HTR4: variants seen among roughly 807,000 people sequenced by gnomAD.
HTR4 encodes the protein 5-hydroxytryptamine receptor 4, also known as 5-hydroxytryptamine (serotonin) receptor 4, G protein-coupled.
A neutral mutation model predicts 36.8 loss-of-function variants in HTR4; 16 were observed. The ratio of observed to expected loss-of-function variants is 0.43; its 90% CI spans 0.29 to 0.66. HTR4 has a LOEUF of 0.66. Among genes scored for constraint, HTR4 ranks in the 30% least tolerant of loss-of-function variants. The pLI is 0.13. For missense variants in HTR4, 438 were observed against 490.9 expected (o/e 0.89, Z 1.02); for synonymous variants, 189 against 185.1 (o/e 1.02, Z -0.17).
chr5:148,475,074 AT>A (rs994651754), downstream of HTR4, among the ~76,000 whole-genome samples: 51 of 152,104 alleles, frequency 3.4e-4, no homozygotes, highest in Non-Finnish European at 6.8e-4. Context: ...CTTAGGCCTC[AT>A]TTTACTTACC....
Position 148,482,247 on chromosome 5 carries a change from C to T in HTR4, c.*956G>A. 1 of 985,492 alleles carries T rather than the reference C, an allele frequency of 1.0e-6. No individual in the cohort carries two copies. Among genetic ancestry groups the T allele is most frequent in the East Asian group, 1.1e-4 (1 of 8,806 alleles). 61.0% of individuals were successfully genotyped at this position (985,492 alleles called of 1,614,324 possible). On this transcript the variant is annotated 3_prime_UTR_variant, in exon 7 of 7. Transcript: ENST00000377888. Reference sequence around the variant, plus strand: ...CAGTGTGAACTTCCAACAGTTATCTCCTTTGGCAGCAACAAAGCCAGATTG... The same window carrying T: ...CAGTGTGAACTTCCAACAGTTATCTTCTTTGGCAGCAACAAAGCCAGATTG...
At chr5:148,554,340 G>T (rs1192119274) in intron 2 of HTR4, among the ~76,000 whole-genome samples, 1 of 152,104 alleles carries the variant, frequency 6.6e-6, no homozygotes, top group East Asian at 1.9e-4. Context: ...CTCCCAAAGT[G>T]CTGGGATTAC....
intron 2 of HTR4, among the ~76,000 whole-genome samples, chr5:148,604,827 A>G (rs940098743): frequency 1.3e-5 from 2 of 152,208 alleles, no homozygotes; most frequent in African/African-American, 4.8e-5. Context: ...GGGTAGAGGT[A>G]GGGACTAAGC....
At chr5:148,462,475 G>C (rs1289013175) in intron 5 of HTR4, among the ~76,000 whole-genome samples, 1 of 151,796 alleles carries the variant, frequency 6.6e-6, no homozygotes, top group Non-Finnish European at 1.5e-5. Context: ...AGAAGAAATA[G>C]ACAATATGAA....
At chr5:148,506,154 T>A (rs1241552087) in intron 6 of HTR4, among the ~76,000 whole-genome samples, 1 of 152,172 alleles carries the variant, frequency 6.6e-6, no homozygotes, top group East Asian at 1.9e-4. Context: ...CAAAACAGCA[T>A]GGTACTGGGA....
At chr5:148,537,677 T>G (rs1758892559) in intron 4 of HTR4, among the ~76,000 whole-genome samples, 1 of 152,072 alleles carries the variant, frequency 6.6e-6, no homozygotes, top group African/African-American at 2.4e-5. Context: ...CTCCCAACAC[T>G]GAACCAGGAA....
At chr5:148,522,587 T>C (rs1236428896) in intron 5 of HTR4, among the ~76,000 whole-genome samples, 1 of 152,210 alleles carries the variant, frequency 6.6e-6, no homozygotes, top group Non-Finnish European at 1.5e-5. Flanking sequence ...TTCATGACAT[T>C]TGTTAAAGCA....
downstream of HTR4, among the ~76,000 whole-genome samples, chr5:148,475,332 G>A (rs767966834): frequency 4.6e-5 from 7 of 152,072 alleles, no homozygotes; most frequent in East Asian, 1.9e-4. Context: ...ATTTTTTTAC[G>A]AGAATTAAAT....
intron 2 of HTR4, among the ~76,000 whole-genome samples, chr5:148,585,741 A>G (rs543781857): frequency 6.6e-6 from 1 of 152,258 alleles, no homozygotes; most frequent in African/African-American, 2.4e-5. Context: ...ATATCCTGAA[A>G]TTCCTGATTT....
chr5:148,555,123 G>A (rs996481904), intron 2 of HTR4, among the ~76,000 whole-genome samples: 4 of 151,944 alleles, frequency 2.6e-5, no homozygotes, highest in South Asian at 2.1e-4. Flanking sequence ...TACTGTACAG[G>A]GCTCCTATAT....
At chr5:148,522,983 G>A (rs1325045193) in intron 5 of HTR4, among the ~76,000 whole-genome samples, 1 of 152,046 alleles carries the variant, frequency 6.6e-6, no homozygotes, top group Non-Finnish European at 1.5e-5. Context: ...ACCTAGATGG[G>A]ACAAGGATTC....
rs139550026 is a variant in HTR4, at chr5:148,484,842, C to G, written c.1077-1549G>C. Among the ~76,000 whole-genome samples the G allele has an allele frequency of 4.9e-3, 745 of 152,238 alleles. 6 individuals are homozygous for G. The highest frequency in any genetic ancestry group is 0.017 in the African/African-American group (715 of 41,550). On this transcript the variant is annotated intron_variant, in intron 6 of 6. Coordinates refer to ENST00000377888, the MANE Select transcript of HTR4 (RefSeq NM_000870.7). The stretch of plus-strand genomic sequence containing the variant: ...TTCCTTCCTCCAGATTTTCCACATG[C>G]CATTTTAAAGTGTAAACTCTCTAGA...
At chr5:148,547,444 G>T (rs1478132012) in intron 4 of HTR4, among the ~76,000 whole-genome samples, 2 of 151,782 alleles carry the variant, frequency 1.3e-5, no homozygotes, top group Non-Finnish European at 2.9e-5. Flanking sequence ...GCGAGAACCC[G>T]GGAGGTGGAG....
At chr5:148,639,070 AG>A (rs1229738411) in intron 1 of HTR4, among the ~76,000 whole-genome samples, 1 of 152,084 alleles carries the variant, frequency 6.6e-6, no homozygotes, top group Non-Finnish European at 1.5e-5. Context: ...AAAGAAAAAA[AG>A]TAAAAGAAAG....
At chr5:148,624,025 G>T (rs1207391254) in intron 2 of HTR4, among the ~76,000 whole-genome samples, 1 of 152,128 alleles carries the variant, frequency 6.6e-6, no homozygotes, top group Non-Finnish European at 1.5e-5. Flanking sequence ...TATTTGTATT[G>T]CTGACTCAGT....
At chr5:148,591,674 C>T (rs1224529108) in intron 2 of HTR4, among the ~76,000 whole-genome samples, 2 of 152,110 alleles carry the variant, frequency 1.3e-5, no homozygotes, top group Non-Finnish European at 2.9e-5. Flanking sequence ...AGGAGACAAA[C>T]ATGCTGCCAA....
At position 148,590,616 on chromosome 5, in the gene HTR4, T is replaced by G. The variant is rs77693060; in HGVS notation, c.27-40354A>C. 5.2e-3 allele frequency among the ~76,000 whole-genome samples: 787 copies of G among 152,308 alleles called. 4 individuals carry two copies. The highest frequency in any genetic ancestry group is 9.5e-3 in the Non-Finnish European group (645 of 68,010). On this transcript the variant is annotated intron_variant, in intron 2 of 6. Transcript: ENST00000377888. ...TATATTTCTACTTTCTGGTTTAATT[T>G]CCTTTTTCCTAAACTCCATCCTTCA... is the stretch of plus-strand genomic sequence containing the variant.
At chr5:148,626,471 T>C (rs1297234536) in intron 2 of HTR4, among the ~76,000 whole-genome samples, 1 of 152,232 alleles carries the variant, frequency 6.6e-6, no homozygotes, top group African/African-American at 2.4e-5. Context: ...GTATTTACTA[T>C]GAAAAATATT....
At chr5:148,474,943 G>A (rs1323533888), downstream of HTR4, among the ~76,000 whole-genome samples, 1 of 152,094 alleles carries the variant, frequency 6.6e-6, no homozygotes, top group East Asian at 1.9e-4. Flanking sequence ...CTACTCGGGA[G>A]GCTGAGGCGG....
Sources: allele counts gnomAD v4.1 joint callset (sites outside exome capture counted in the v4.1 genomes callset), GRCh38; gene constraint gnomAD v4.1.1; transcripts MANE v1.5; gene names NCBI Gene and HGNC (gene_info 2026-07-23, HGNC 2026-07-21).